Variants in BBS9 observed in about 807,000 individuals in gnomAD.
BBS9 encodes the protein Bardet-Biedl syndrome 9, also known as protein PTHB1.
A neutral mutation model predicts 117.7 loss-of-function variants in BBS9; 89 were observed. The ratio of observed to expected loss-of-function variants is 0.76; its 90% CI spans 0.64 to 0.90. The LOEUF (loss-of-function observed/expected upper bound fraction) is 0.90. Among genes scored for constraint, BBS9 ranks in the 40% least tolerant of loss-of-function variants. The probability of loss-of-function intolerance (pLI) is 0.00; values close to 1 mark genes in which losing one functional copy is unlikely to be tolerated. For synonymous variants in BBS9, 379 were observed against 370.9 expected (o/e 1.02, Z -0.25); for missense variants, 982 against 1,042.2 (o/e 0.94, Z 0.80).
chr7:33,351,440 C>T, intron 14 of BBS9, 117 bp downstream of exon 14: 1 of 779,500 alleles, frequency 1.3e-6, no homozygotes, highest in Non-Finnish European at 2.3e-6. Context: ...ATGTTATTTT[C>T]TACTGTTAAG....
intron 5 of BBS9, among the ~76,000 whole-genome samples, chr7:33,224,678 C>T (rs1280249241): frequency 6.6e-6 from 1 of 152,176 alleles, no homozygotes; most frequent in Non-Finnish European, 1.5e-5. Flanking sequence ...GTCCCACAGT[C>T]TGGATTTTGC....
intron 19 of BBS9, among the ~76,000 whole-genome samples, chr7:33,487,590 G>A (rs997274425): frequency 3.3e-5 from 5 of 152,150 alleles, no homozygotes; most frequent in African/African-American, 1.2e-4. Context: ...TGAGTCAAAG[G>A]CCTGTGTTCT....
chr7:33,357,537 A>G (rs748282813), intron 15 of BBS9, among the ~76,000 whole-genome samples: 13 of 151,796 alleles, frequency 8.6e-5, no homozygotes, highest in Non-Finnish European at 1.8e-4. Context: ...TTAAAGACTT[A>G]GTTCAGTAAT....
chr7:33,444,964 A>G (rs1022937254), intron 19 of BBS9, among the ~76,000 whole-genome samples: 7 of 152,184 alleles, frequency 4.6e-5, no homozygotes, highest in Non-Finnish European at 8.8e-5. Context: ...TGGATTGTCC[A>G]TAATTTTCAG....
chr7:33,345,360 C>T (rs1005183588), intron 12 of BBS9, among the ~76,000 whole-genome samples: 1 of 152,152 alleles, frequency 6.6e-6, no homozygotes, highest in Non-Finnish European at 1.5e-5. Context: ...ACCTTGGAAG[C>T]AAGGGAAGGT....
Position 33,605,324 on chromosome 7 carries a change from C to A in BBS9, c.*98C>A. ...CACAGATATAGGGCTGGCGCAGGTG[C>A]TTCCTAAAGCTCACCTTCCTGGAGA... On this transcript the variant is annotated 3_prime_UTR_variant, in exon 23 of 23. Transcript: ENST00000242067. 2 of 1,280,184 alleles carry A rather than the reference C, an allele frequency of 1.6e-6. No individual in the cohort carries two copies. The highest frequency in any genetic ancestry group is 1.1e-6 in the Non-Finnish European group (1 of 877,152). The allele number at this position is 1,280,184 out of a possible 1,614,324, so 79.3% of individuals were successfully genotyped here. A position where few individuals can be genotyped will look rare whatever the true frequency, so the allele number is the denominator to read the frequency against.
chr7:33,172,325 GAGCCAAGATCGTGCCACTGCACTCCA>G (rs1398291368), intron 4 of BBS9, among the ~76,000 whole-genome samples: 4 of 151,578 alleles, frequency 2.6e-5, no homozygotes, highest in Non-Finnish European at 1.5e-5. Context: ...AGCTTGCAGT[GAGCCAAGATCGTGCCACTGCACTCCA>G]GCCTGGGTGA....
At chr7:33,275,044 C>G (rs1009531554) in intron 9 of BBS9, among the ~76,000 whole-genome samples, 5 of 150,136 alleles carry the variant, frequency 3.3e-5, no homozygotes, top group African/African-American at 1.2e-4. Context: ...TCAGTGACAC[C>G]TATAGTTTCT....
At chr7:33,619,979 A>G (rs1865325837) in intron 21 of BBS9, among the ~76,000 whole-genome samples, 1 of 152,120 alleles carries the variant, frequency 6.6e-6, no homozygotes, top group South Asian at 2.1e-4. Flanking sequence ...CAAAGTCAGC[A>G]TAGGAATGAA....
chr7:33,256,981 A>G (rs1312707129), intron 5 of BBS9, among the ~76,000 whole-genome samples: 1 of 152,166 alleles, frequency 6.6e-6, no homozygotes, highest in African/African-American at 2.4e-5. Context: ...TCATCTCAGT[A>G]AATTTTAAGA....
At position 33,368,577 on chromosome 7, in the gene BBS9, TACACACAC is replaced by T. The variant is rs201655079; in HGVS notation, c.1789+748_1789+755del. 4.7e-3 allele frequency among the ~76,000 whole-genome samples: 601 copies of T among 128,474 alleles called. 4 individuals carry two copies. The highest frequency in any genetic ancestry group is 0.016 in the African/African-American group (572 of 36,182). The allele number at this position is 128,474 out of a possible 152,430, so 84.3% of individuals were successfully genotyped here. A position where few individuals can be genotyped will look rare whatever the true frequency, so the allele number is the denominator to read the frequency against. On this transcript the variant is annotated intron_variant, in intron 17 of 22. Coordinates refer to ENST00000242067, the MANE Select transcript of BBS9 (RefSeq NM_198428.3). The stretch of plus-strand genomic sequence containing the variant: ...ACGAATCTGTATTGAGAGAAAAAAG[TACACACAC>T]ACACACACACACACACACACACACA...
At chr7:33,416,286 G>A (rs1305041043) in intron 19 of BBS9, among the ~76,000 whole-genome samples, 2 of 151,142 alleles carry the variant, frequency 1.3e-5, no homozygotes, top group East Asian at 3.9e-4. Context: ...CATGGGTCCT[G>A]CCTTCTTCTG....
chr7:33,526,265 C>T (rs1849485015), intron 20 of BBS9, among the ~76,000 whole-genome samples: 1 of 152,048 alleles, frequency 6.6e-6, no homozygotes, highest in South Asian at 2.1e-4. Context: ...TTGTGGCGTT[C>T]TCTGTATTTC....
At chr7:33,318,020 C>T (rs1810904685) in intron 9 of BBS9, among the ~76,000 whole-genome samples, 1 of 152,306 alleles carries the variant, frequency 6.6e-6, no homozygotes, top group Non-Finnish European at 1.5e-5. Context: ...CCACTGCACT[C>T]CAGCCTGGGC....
chr7:33,400,333 CT>C (rs1828699688), intron 19 of BBS9, among the ~76,000 whole-genome samples: 1 of 152,054 alleles, frequency 6.6e-6, no homozygotes, highest in Non-Finnish European at 1.5e-5. Flanking sequence ...AAAATCTTAT[CT>C]TTTTGTGTCA....
chr7:33,602,300 C>T lies in BBS9; in HGVS notation c.2522-2565C>T, dbSNP rs576457407. Among the ~76,000 whole-genome samples the T allele has an allele frequency of 1.1e-4, 16 of 152,312 alleles. 1 individual carries two copies. The highest frequency in any genetic ancestry group is 6.2e-4 in the South Asian group (3 of 4,822). On this transcript the variant is annotated intron_variant, in intron 21 of 22. Coordinates refer to ENST00000242067, the MANE Select transcript of BBS9 (RefSeq NM_198428.3). ...AGAGGGGGAATTCTCTGCTCAGCTTCGGCTTCTTTTCTTTTCCTATGATGC... is the reference window on the plus strand; with the variant it reads ...AGAGGGGGAATTCTCTGCTCAGCTTTGGCTTCTTTTCTTTTCCTATGATGC...
chr7:33,533,548 G>T (rs575269654), intron 20 of BBS9: 1 of 203,900 alleles, frequency 4.9e-6, no homozygotes, highest in Admixed American at 5.3e-5. Context: ...TCCTTTAGCC[G>T]AAGATAAGAA....
chr7:33,583,141 A>G (rs968553843), intron 21 of BBS9, among the ~76,000 whole-genome samples: 1 of 152,164 alleles, frequency 6.6e-6, no homozygotes, highest in African/African-American at 2.4e-5. Flanking sequence ...TGACTACTTC[A>G]GTGACATATC....
intron 19 of BBS9, among the ~76,000 whole-genome samples, chr7:33,432,306 T>A (rs1294102087): frequency 1.3e-5 from 2 of 151,382 alleles, no homozygotes; most frequent in Non-Finnish European, 2.9e-5. Context: ...AGACGGGGTT[T>A]CACCGTGTTA....
Sources: gnomAD v4.1 joint callset for allele counts (sites outside exome capture counted in the v4.1 genomes callset) on GRCh38, gnomAD v4.1.1 for gene constraint, MANE v1.5 for transcripts, NCBI Gene and HGNC (gene_info 2026-07-23, HGNC 2026-07-21) for gene names.